CSMD1: variants seen among roughly 807,000 people sequenced by gnomAD.
CSMD1 encodes CUB and Sushi multiple domains 1, also known as CUB and sushi domain-containing protein 1.
A neutral mutation model predicts 417.5 loss-of-function variants in CSMD1; 213 were observed. The ratio of observed to expected loss-of-function variants is 0.51; its 90% CI spans 0.46 to 0.57. CSMD1 has a LOEUF of 0.57. Ranked by LOEUF, CSMD1 falls within the 20% of genes least tolerant of loss-of-function variation. CSMD1 has a pLI of 0.00. For missense variants in CSMD1, 6,923 were observed against 4,529.7 expected, an observed-to-expected ratio of 1.53 and a Z score of -15.17; for synonymous variants, 2,862 against 1,736.8, an observed-to-expected ratio of 1.65 and a Z score of -16.11.
At chr8:4,343,490 C>A (rs561624845) in intron 3 of CSMD1, among the ~76,000 whole-genome samples, 1 of 152,072 alleles carries the variant, frequency 6.6e-6, no homozygotes, top group Admixed American at 6.6e-5. Flanking sequence ...GATGTACATG[C>A]GTACATGATT....
intron 7 of CSMD1, among the ~76,000 whole-genome samples, chr8:3,654,805 GGCTACCATGGC>G (rs1554501080): frequency 6.6e-6 from 1 of 152,082 alleles, no homozygotes; most frequent in Non-Finnish European, 1.5e-5. Context: ...GCTGCCTCAG[GGCTACCATGGC>G]GCCCAGGATC....
intron 4 of CSMD1, among the ~76,000 whole-genome samples, chr8:3,999,060 A>G (rs1240985718): frequency 6.6e-6 from 1 of 150,428 alleles, no homozygotes; most frequent in African/African-American, 2.4e-5. Context: ...TGTTATATAT[A>G]TAAATTACAT....
chr8:3,529,600 C>T (rs1479328804), intron 10 of CSMD1, among the ~76,000 whole-genome samples: 1 of 152,204 alleles, frequency 6.6e-6, no homozygotes, highest in Non-Finnish European at 1.5e-5. Flanking sequence ...CGATGCACAT[C>T]TTCTGACGCC....
rs531332235 is a variant in CSMD1 at position 4,683,915 on chromosome 8, G to C, written c.86-46357C>G. ...AGGAAAGGACTAATTAGATATGTGA[G>C]CAGCATGTCATATACAAGAAGAGTT... On this transcript the variant is annotated intron_variant, in intron 1 of 69. Coordinates refer to ENST00000635120, the MANE Select transcript of CSMD1 (RefSeq NM_033225.6). Among the ~76,000 whole-genome samples the C allele has an allele frequency of 1.2e-4, 19 of 152,310 alleles. No homozygotes were observed. The South Asian group carries it at 3.9e-3, about 32-fold the overall frequency.
At chr8:3,269,507 A>G (rs12542184) in intron 26 of CSMD1, among the ~76,000 whole-genome samples, 10,142 of 152,252 alleles carry the variant, frequency 0.067, 461 homozygotes, top group Middle Eastern at 0.095. Flanking sequence ...AAATGCACCT[A>G]TTAAGTTATC....
intron 26 of CSMD1, among the ~76,000 whole-genome samples, chr8:3,266,433 C>G (rs139619841): frequency 4.0e-4 from 60 of 151,542 alleles, no homozygotes; most frequent in African/African-American, 1.4e-3. Flanking sequence ...TGGCAAAACC[C>G]CATTTCTATG....
At chr8:4,259,442 C>T (rs1803719154) in intron 3 of CSMD1, among the ~76,000 whole-genome samples, 2 of 152,116 alleles carry the variant, frequency 1.3e-5, no homozygotes, top group South Asian at 4.2e-4. Context: ...CATCCCAGCG[C>T]TATGAAAATG....
chr8:3,744,263 C>T (rs956674643), intron 6 of CSMD1, among the ~76,000 whole-genome samples: 5 of 152,058 alleles, frequency 3.3e-5, no homozygotes, highest in African/African-American at 4.8e-5. Context: ...GTTTGGAATA[C>T]GGATCAAAAG....
intron 2 of CSMD1, among the ~76,000 whole-genome samples, chr8:4,572,459 G>C (rs945737054): frequency 6.6e-6 from 1 of 152,120 alleles, no homozygotes; most frequent in Non-Finnish European, 1.5e-5. Flanking sequence ...CTCTCTTCTG[G>C]CTAGTAGGGT....
intron 2 of CSMD1, among the ~76,000 whole-genome samples, chr8:4,426,330 G>A (rs1309965642): frequency 6.6e-6 from 1 of 150,654 alleles, no homozygotes; most frequent in Non-Finnish European, 1.5e-5. Context: ...TTTTAATTAT[G>A]TAGTATATAG....
chr8:3,894,148 A>T (rs1213210032), intron 5 of CSMD1, among the ~76,000 whole-genome samples: 1 of 152,132 alleles, frequency 6.6e-6, no homozygotes, highest in Admixed American at 6.5e-5. Context: ...TCCTTTGCAA[A>T]AACTACTCTA....
At chr8:3,954,222 A>G (rs904095970) in intron 5 of CSMD1, among the ~76,000 whole-genome samples, 2 of 152,036 alleles carry the variant, frequency 1.3e-5, no homozygotes, top group Non-Finnish European at 2.9e-5. Context: ...AGAAAAAGAG[A>G]CCCAGGCAAG....
chr8:2,999,242 T>A (rs1435242360), intron 53 of CSMD1, among the ~76,000 whole-genome samples: 1 of 147,338 alleles, frequency 6.8e-6, no homozygotes, highest in Non-Finnish European at 1.5e-5. Flanking sequence ...GCAACCTCCA[T>A]CTCCAGGGTT....
At chr8:4,308,609 T>C (rs911659994) in intron 3 of CSMD1, among the ~76,000 whole-genome samples, 22 of 152,214 alleles carry the variant, frequency 1.4e-4, no homozygotes, top group African/African-American at 5.1e-4. Flanking sequence ...GGAGAGAATT[T>C]GTTAAGCCTG....
intron 5 of CSMD1, among the ~76,000 whole-genome samples, chr8:3,991,385 G>C (rs562347305): frequency 6.6e-6 from 1 of 152,164 alleles, no homozygotes; most frequent in Non-Finnish European, 1.5e-5. Flanking sequence ...CGTCACGGTT[G>C]CATATATAAC....
chr8:4,093,193 G>C (rs1259626534), intron 3 of CSMD1, among the ~76,000 whole-genome samples: 1 of 151,990 alleles, frequency 6.6e-6, no homozygotes, highest in Non-Finnish European at 1.5e-5. Flanking sequence ...AAAATTTGAA[G>C]TTTCACATTA....
At chr8:3,297,908 A>G (rs62504375) in intron 25 of CSMD1, among the ~76,000 whole-genome samples, 13,027 of 152,230 alleles carry the variant, frequency 0.086, 685 homozygotes, top group Non-Finnish European at 0.12. Context: ...ATCAAAAGAA[A>G]TCATTTCAGT....
chr8:4,325,374 G>A (rs1469147253), intron 3 of CSMD1, among the ~76,000 whole-genome samples: 1 of 152,104 alleles, frequency 6.6e-6, no homozygotes, highest in African/African-American at 2.4e-5. Context: ...AATCCCAAGA[G>A]ACAGACCTCC....
At chr8:4,425,548 G>A (rs949131626) in intron 2 of CSMD1, among the ~76,000 whole-genome samples, 1 of 152,068 alleles carries the variant, frequency 6.6e-6, no homozygotes, top group South Asian at 2.1e-4. Context: ...GAGCTGGCAA[G>A]ACTCACTCCT....
Sources: allele counts gnomAD v4.1 joint callset (sites outside exome capture counted in the v4.1 genomes callset), GRCh38; gene constraint gnomAD v4.1.1; transcripts MANE v1.5; gene names NCBI Gene and HGNC (gene_info 2026-07-23, HGNC 2026-07-21).